Variants in RABGAP1L observed in about 807,000 individuals in gnomAD.
The protein encoded by RABGAP1L is rab GTPase-activating protein 1-like.
In RABGAP1L, 63 loss-of-function variants were observed where a neutral mutation model predicts 137.7. The observed-to-expected ratio is 0.46, with a 90% CI of 0.37 to 0.56. RABGAP1L has a LOEUF of 0.56. Among genes scored for constraint, RABGAP1L ranks in the 20% least tolerant of loss-of-function variants. RABGAP1L has a pLI of 0.00. For missense variants in RABGAP1L, 1,095 were observed against 1,244.0 expected (o/e 0.88, Z 1.80); for synonymous variants, 431 against 433.7 (o/e 0.99, Z 0.08).
chr1:174,981,700 A>G (rs1387318307), intron 23 of RABGAP1L, among the ~76,000 whole-genome samples: 1 of 151,618 alleles, frequency 6.6e-6, no homozygotes, highest in Non-Finnish European at 1.5e-5. Flanking sequence ...CTTTTCTAAA[A>G]TAAAAGATTC....
At chr1:174,906,679 C>A (rs535298856) in intron 19 of RABGAP1L, among the ~76,000 whole-genome samples, 1 of 151,750 alleles carries the variant, frequency 6.6e-6, no homozygotes, top group Non-Finnish European at 1.5e-5. Flanking sequence ...TTTCCAGGTA[C>A]AAGAAAGCCT....
intron 13 of RABGAP1L, among the ~76,000 whole-genome samples, chr1:174,477,711 T>C (rs1480218386): frequency 6.6e-6 from 1 of 152,208 alleles, no homozygotes; most frequent in Non-Finnish European, 1.5e-5. Flanking sequence ...GGAACCCTTA[T>C]ATAATGTGTG....
At chr1:174,915,661 T>A (rs1369381906) in intron 19 of RABGAP1L, among the ~76,000 whole-genome samples, 1 of 152,208 alleles carries the variant, frequency 6.6e-6, no homozygotes, top group Non-Finnish European at 1.5e-5. Flanking sequence ...TTCACCATGT[T>A]GGCCAGGATC....
chr1:174,535,292 T>C (rs1389786940), intron 13 of RABGAP1L, among the ~76,000 whole-genome samples: 1 of 152,210 alleles, frequency 6.6e-6, no homozygotes, highest in Non-Finnish European at 1.5e-5. Flanking sequence ...CATGATGGTC[T>C]AGGAGGCCTG....
chr1:174,354,390 C>T (rs2148941325), intron 11 of RABGAP1L, among the ~76,000 whole-genome samples: 1 of 152,182 alleles, frequency 6.6e-6, no homozygotes, highest in African/African-American at 2.4e-5. Flanking sequence ...TTATAAGAAG[C>T]TGTTCTTTGA....
Position 174,937,619 on chromosome 1 carries a change from AATAT to A in RABGAP1L, c.2341-19825_2341-19822del, listed in dbSNP as rs148901840. Among the ~76,000 whole-genome samples, 8 of 109,660 alleles carry A rather than the reference AATAT, an allele frequency of 7.3e-5. 1 individual carries two copies. The highest frequency in any genetic ancestry group is 4.0e-4 in the African/African-American group (8 of 19,928). The allele number at this position is 109,660 out of a possible 152,430, so 71.9% of individuals were successfully genotyped here. Reference sequence around the variant, plus strand: ...ATTTTTAAATAGCAATACTTCATTAAATATATATATATATATCTTGCAGTTAGAA... The same window carrying A: ...ATTTTTAAATAGCAATACTTCATTAAATATATATATATCTTGCAGTTAGAA... On this transcript the variant is annotated intron_variant, in intron 19 of 25. Transcript: ENST00000681986.
chr1:174,240,182 G>A (rs1278418969), intron 4 of RABGAP1L, among the ~76,000 whole-genome samples: 1 of 152,146 alleles, frequency 6.6e-6, no homozygotes, highest in South Asian at 2.1e-4. Flanking sequence ...ATCTTGAAGG[G>A]GTCTTGAATG....
intron 1 of RABGAP1L, among the ~76,000 whole-genome samples, chr1:174,185,859 A>G (rs374498814): frequency 6.6e-6 from 1 of 152,308 alleles, no homozygotes; most frequent in African/African-American, 2.4e-5. Context: ...AAATTTGCTT[A>G]AAGTCGGGGC....
intron 13 of RABGAP1L, among the ~76,000 whole-genome samples, chr1:174,523,882 A>G (rs987242829): frequency 8.5e-5 from 13 of 152,160 alleles, no homozygotes; most frequent in African/African-American, 1.7e-4. Context: ...GTGAGAACAT[A>G]TGGTATTTAT....
chr1:174,562,688 GT>G (rs1557851497), intron 13 of RABGAP1L, among the ~76,000 whole-genome samples: 1 of 152,174 alleles, frequency 6.6e-6, no homozygotes. Context: ...AAAAGGATGA[GT>G]TCATGTCCTT....
intron 13 of RABGAP1L, among the ~76,000 whole-genome samples, chr1:174,538,154 C>G (rs1016574813): frequency 2.6e-5 from 4 of 152,122 alleles, no homozygotes; most frequent in Non-Finnish European, 5.9e-5. Flanking sequence ...TTGGGAAAAC[C>G]ATTTCTTTGC....
intron 19 of RABGAP1L, among the ~76,000 whole-genome samples, chr1:174,853,662 T>G (rs879699078): frequency 9.9e-5 from 15 of 151,718 alleles, no homozygotes; most frequent in Non-Finnish European, 1.9e-4. Flanking sequence ...ACCTGGGAGG[T>G]GGAGGTTGCG....
chr1:174,833,447 G>GATATATAT lies in RABGAP1L; in HGVS notation c.2340+21488_2340+21489insTATATATA, dbSNP rs1275423217. Among the ~76,000 whole-genome samples, 98 of 16,978 alleles carry GATATATAT rather than the reference G, an allele frequency of 5.8e-3. 6 individuals carry two copies. Among genetic ancestry groups the GATATATAT allele is most frequent in the African/African-American group, 6.2e-3 (85 of 13,792 alleles). The allele number at this position is 16,978 out of a possible 152,430, so 11.1% of individuals were successfully genotyped here. A position where few individuals can be genotyped will look rare whatever the true frequency, so the allele number is the denominator to read the frequency against. On this transcript the variant is annotated intron_variant, in intron 19 of 25. Transcript: ENST00000681986. Reference sequence around the variant, plus strand: ...GTATATATATATGTGTGTGTGTGTAGAGATATATATATATATATATAGTAG... The same window carrying GATATATAT: ...GTATATATATATGTGTGTGTGTGTAGATATATATAGATATATATATATATATATAGTAG...
At chr1:174,416,276 A>G (rs149166616) in intron 13 of RABGAP1L, among the ~76,000 whole-genome samples, 7 of 152,090 alleles carry the variant, frequency 4.6e-5, no homozygotes, top group Non-Finnish European at 4.4e-5. Context: ...GGAAACAACT[A>G]TTATTAAAAA....
chr1:174,387,162 G>A (rs746273368), intron 12 of RABGAP1L, among the ~76,000 whole-genome samples: 22 of 152,150 alleles, frequency 1.4e-4, no homozygotes, highest in Admixed American at 2.6e-4. Flanking sequence ...ATTTAACAAA[G>A]TAACTGAAAC....
intron 13 of RABGAP1L, among the ~76,000 whole-genome samples, chr1:174,425,121 A>G (rs746312128): frequency 7.2e-5 from 11 of 151,946 alleles, no homozygotes; most frequent in Non-Finnish European, 1.3e-4. Context: ...TTTTCATTGG[A>G]ATTTGTTGTA....
At chr1:174,566,528 T>C (rs1667599367) in intron 13 of RABGAP1L, among the ~76,000 whole-genome samples, 1 of 152,178 alleles carries the variant, frequency 6.6e-6, no homozygotes, top group Non-Finnish European at 1.5e-5. Flanking sequence ...ACCATAGCTT[T>C]CAGTGTATAC....
At chr1:174,568,019 A>C (rs1388987017) in intron 13 of RABGAP1L, among the ~76,000 whole-genome samples, 2 of 152,222 alleles carry the variant, frequency 1.3e-5, no homozygotes, top group Non-Finnish European at 2.9e-5. Context: ...TGGGTAATTT[A>C]TAAAGAAAGT....
intron 5 of RABGAP1L, among the ~76,000 whole-genome samples, chr1:174,241,885 G>C (rs1224303341): frequency 6.6e-6 from 1 of 152,142 alleles, no homozygotes; most frequent in Non-Finnish European, 1.5e-5. Flanking sequence ...AAATACAACT[G>C]GATGAGTTGC....
Sources: allele counts gnomAD v4.1 joint callset (sites outside exome capture counted in the v4.1 genomes callset), GRCh38; gene constraint gnomAD v4.1.1; transcripts MANE v1.5; gene names NCBI Gene and HGNC (gene_info 2026-07-23, HGNC 2026-07-21).